The following RARB variants were observed in gnomAD, a reference collection of about 807,000 sequenced individuals.
RARB encodes the protein HBV-activated protein.
Under a neutral mutation model 51.9 loss-of-function variants are expected in RARB, and 17 were observed. That is an observed-to-expected ratio of 0.33 (90% CI 0.22 to 0.49). The LOEUF (loss-of-function observed/expected upper bound fraction) is 0.49. Among genes scored for constraint, RARB ranks in the 20% least tolerant of loss-of-function variants. RARB has a pLI of 0.99. For missense variants in RARB, 369 were observed against 550.8 expected (o/e 0.67, Z 3.30); for synonymous variants, 215 against 195.4 (o/e 1.10, Z -0.84).
intron 5 of RARB, among the ~76,000 whole-genome samples, chr3:25,203,437 G>A (rs1302425025): frequency 4.6e-5 from 7 of 152,188 alleles, no homozygotes; most frequent in East Asian, 1.9e-4. Context: ...TTACATTTAA[G>A]GTTAATATTG....
chr3:25,556,690 C>T (rs1184573068), intron 3 of RARB, among the ~76,000 whole-genome samples: 1 of 152,156 alleles, frequency 6.6e-6, no homozygotes, highest in Non-Finnish European at 1.5e-5. Flanking sequence ...CCACATGGGG[C>T]TGCTGTAAGA....
chr3:24,871,629 C>T (rs753313405), intron 2 of RARB, among the ~76,000 whole-genome samples: 38 of 152,124 alleles, frequency 2.5e-4, no homozygotes, highest in Admixed American at 2.6e-4. Context: ...TCAATGTTCT[C>T]GCCCAAACAC....
chr3:25,310,228 A>T (rs1704256767), intron 5 of RARB, among the ~76,000 whole-genome samples: 1 of 152,206 alleles, frequency 6.6e-6, no homozygotes, highest in South Asian at 2.1e-4. Flanking sequence ...GTAAGGTGAG[A>T]TAGAGCAGAG....
intron 4 of RARB, among the ~76,000 whole-genome samples, chr3:25,149,321 G>A (rs771262125): frequency 8.5e-5 from 13 of 152,152 alleles, no homozygotes; most frequent in Admixed American, 6.5e-5. Flanking sequence ...GTTCATTCAT[G>A]CCTGGTTTGT....
At position 25,591,466 on chromosome 3, in the gene RARB, A is replaced by C. The variant is rs180798312; in HGVS notation, c.787-2037A>C. Among the ~76,000 whole-genome samples, 10 of 152,340 alleles carry C rather than the reference A, an allele frequency of 6.6e-5. No homozygotes were observed. The East Asian group carries it at 1.9e-3, about 29-fold the overall frequency. On this transcript the variant is annotated intron_variant, in intron 5 of 7. Transcript: ENST00000330688. ...CTTAGAGAGGTGTCTAGGTTTGACTATTGGCGTGGAGAGAAAATGAGGCAG... is the reference window on the plus strand; with the variant it reads ...CTTAGAGAGGTGTCTAGGTTTGACTCTTGGCGTGGAGAGAAAATGAGGCAG...
chr3:25,326,258 G>T (rs558594097), intron 5 of RARB, among the ~76,000 whole-genome samples: 48 of 152,328 alleles, frequency 3.2e-4, no homozygotes, highest in African/African-American at 9.4e-4. Flanking sequence ...AAGTGGGAGG[G>T]AGGCTGTCTA....
intron 5 of RARB, among the ~76,000 whole-genome samples, chr3:25,416,536 G>GCTTA (rs1198871855): frequency 1.3e-5 from 2 of 152,222 alleles, no homozygotes; most frequent in Non-Finnish European, 2.9e-5. Flanking sequence ...GGTACTGAAT[G>GCTTA]CTTACAGTCA....
chr3:24,896,831 C>T (rs550328428), intron 2 of RARB, among the ~76,000 whole-genome samples: 208 of 152,192 alleles, frequency 1.4e-3, no homozygotes, highest in Non-Finnish European at 2.1e-3. Context: ...AAAAATAGAT[C>T]TCTATTTCAG....
chr3:25,136,867 C>G (rs770063246), intron 4 of RARB, among the ~76,000 whole-genome samples: 1 of 151,946 alleles, frequency 6.6e-6, no homozygotes, highest in Non-Finnish European at 1.5e-5. Flanking sequence ...AGATCATTCA[C>G]TAGGGAAGTA....
At chr3:25,586,589 G>A (rs1312113473) in intron 5 of RARB, among the ~76,000 whole-genome samples, 1 of 152,192 alleles carries the variant, frequency 6.6e-6, no homozygotes, top group African/African-American at 2.4e-5. Flanking sequence ...GCCACCCACT[G>A]CCCTTACTGC....
chr3:25,477,921 G>C (rs1314922389), intron 2 of RARB, among the ~76,000 whole-genome samples: 2 of 152,178 alleles, frequency 1.3e-5, no homozygotes, highest in East Asian at 3.9e-4. Context: ...TCAGTGTCTG[G>C]TAGGTATTGG....
intron 5 of RARB, among the ~76,000 whole-genome samples, chr3:25,356,793 C>A (rs1440755361): frequency 1.3e-5 from 2 of 152,082 alleles, no homozygotes; most frequent in Non-Finnish European, 2.9e-5. Context: ...TGTTAGTTTG[C>A]TGAGAATGAT....
In RARB at chr3:24,969,327, A is replaced by T. The variant is rs1696343580; in HGVS notation, c.-379-90798A>T. Among the ~76,000 whole-genome samples the T allele has an allele frequency of 2.0e-5, 3 of 152,192 alleles. No individual in the cohort carries two copies. The South Asian group carries it at 6.2e-4, about 32-fold the overall frequency. On this transcript the variant is annotated intron_variant, in intron 2 of 11. Coordinates refer to the RARB transcript ENST00000383772. ...GCCCAGCATAAAGAAAGCACCATCT[A>T]AATGCTCTGTGAGGGGCATTATTAT...
At chr3:25,190,033 G>A (rs1168159795) in intron 5 of RARB, among the ~76,000 whole-genome samples, 1 of 152,066 alleles carries the variant, frequency 6.6e-6, no homozygotes, top group Non-Finnish European at 1.5e-5. Flanking sequence ...TTTGCATAGA[G>A]CCTCAGTTAA....
At position 25,197,547 on chromosome 3, in the gene RARB, A is replaced by G. The variant is rs115584767; in HGVS notation, c.178+22972A>G. Among the ~76,000 whole-genome samples the G allele has an allele frequency of 9.4e-3, 1,424 of 152,140 alleles. 19 individuals are homozygous for G. The highest frequency in any genetic ancestry group is 0.033 in the African/African-American group (1,374 of 41,536). On this transcript the variant is annotated intron_variant, in intron 5 of 11. Coordinates refer to the RARB transcript ENST00000383772. The stretch of plus-strand genomic sequence containing the variant: ...TCATCTTAGATTTGGAAAAACCTAA[A>G]AACTCCACCAAAAAACTATTAGAAT...
intron 2 of RARB, among the ~76,000 whole-genome samples, chr3:25,468,729 G>T (rs566547531): frequency 1.3e-5 from 2 of 152,058 alleles, no homozygotes; most frequent in African/African-American, 4.8e-5. Context: ...ACATCTCTGC[G>T]ACAAAAAATT....
At chr3:25,431,718 A>T (rs1260228053) in intron 1 of RARB, among the ~76,000 whole-genome samples, 1 of 152,154 alleles carries the variant, frequency 6.6e-6, no homozygotes, top group East Asian at 1.9e-4. Flanking sequence ...CTCCCTACTC[A>T]ACACATCAAA....
chr3:24,829,583 G>C (rs979554167), intron 1 of RARB, among the ~76,000 whole-genome samples: 97 of 152,208 alleles, frequency 6.4e-4, no homozygotes, highest in Non-Finnish European at 1.1e-3. Context: ...TGGGGGTTGG[G>C]GGGTCTGCAG....
At chr3:25,456,872 AAAC>A in intron 1 of RARB, among the ~76,000 whole-genome samples, 1 of 151,910 alleles carries the variant, frequency 6.6e-6, no homozygotes, top group South Asian at 2.1e-4. Flanking sequence ...CAAATTATAA[AAAC>A]AGTAGAAAGA....
Sources: gnomAD v4.1 joint callset for allele counts (sites outside exome capture counted in the v4.1 genomes callset) on GRCh38, gnomAD v4.1.1 for gene constraint, MANE v1.5 for transcripts, NCBI Gene and HGNC (gene_info 2026-07-23, HGNC 2026-07-21) for gene names.